KIAA1217: variants seen among roughly 807,000 people sequenced by gnomAD.
The protein encoded by KIAA1217 is KIAA1217, also known as sickle tail protein homolog.
In KIAA1217, 88 loss-of-function variants were observed where a neutral mutation model predicts 163.9. The observed-to-expected ratio is 0.54, with a 90% CI of 0.45 to 0.64. The LOEUF is 0.64. KIAA1217 is among the 30% of genes least tolerant of loss of function. The probability of loss-of-function intolerance (pLI) is 0.00; values close to 1 mark genes in which losing one functional copy is unlikely to be tolerated. For synonymous variants in KIAA1217, 903 were observed against 923.1 expected, an observed-to-expected ratio of 0.98 and a Z score of 0.39; for missense variants, 2,372 against 2,475.0, an observed-to-expected ratio of 0.96 and a Z score of 0.88.
intron 2 of KIAA1217, among the ~76,000 whole-genome samples, chr10:24,300,290 A>G (rs1222667581): frequency 6.6e-6 from 1 of 152,124 alleles, no homozygotes; most frequent in Non-Finnish European, 1.5e-5. Flanking sequence ...ATTATTTCCA[A>G]TTTTTTTAAG....
At chr10:24,357,147 G>A (rs1025460621) in intron 2 of KIAA1217, among the ~76,000 whole-genome samples, 1 of 152,138 alleles carries the variant, frequency 6.6e-6, no homozygotes, top group Non-Finnish European at 1.5e-5. Flanking sequence ...GAAACTTTCA[G>A]GGTAGACCTT....
In KIAA1217 at chr10:23,726,979, CTTTTT is replaced by C. The variant is rs1012125050; in HGVS notation, c.-321+31767_-321+31771del. Reference sequence around the variant, plus strand: ...ATTTCCATGCCATTTGTATAGGCCTCTTTTTTTTTTTTTTTTTTTTTTTTTTGAGA... The same window carrying C: ...ATTTCCATGCCATTTGTATAGGCCTCTTTTTTTTTTTTTTTTTTTTTGAGA... On this transcript the variant is annotated intron_variant, in intron 1 of 18. Transcript: ENST00000376462. Among the ~76,000 whole-genome samples the C allele has an allele frequency of 6.8e-3, 637 of 93,314 alleles. 5 individuals carry two copies. The highest frequency in any genetic ancestry group is 0.029 in the African/African-American group (587 of 20,592). 61.2% of individuals were successfully genotyped at this position (93,314 alleles called of 152,430 possible). A position where few individuals can be genotyped will look rare whatever the true frequency, so the allele number is the denominator to read the frequency against.
intron 2 of KIAA1217, among the ~76,000 whole-genome samples, chr10:24,010,545 C>T (rs1488596440): frequency 6.6e-6 from 1 of 151,834 alleles, no homozygotes; most frequent in Admixed American, 6.6e-5. Flanking sequence ...TCTTCCCCCC[C>T]TTCAAGTTTT....
intron 1 of KIAA1217, among the ~76,000 whole-genome samples, chr10:23,773,362 G>C (rs1030304073): frequency 6.6e-6 from 1 of 151,666 alleles, no homozygotes; most frequent in African/African-American, 2.4e-5. Context: ...TTTGGTTACT[G>C]TAGCCTTGTA....
chr10:24,546,445 A>G lies in KIAA1217; in HGVS notation c.*121A>G. ...TATCGTTTGAGGCTTAATGCTAAAT[A>G]TGTGCTAAATACTGGATTAATAGAT... is the stretch of plus-strand genomic sequence containing the variant. On this transcript the variant is annotated 3_prime_UTR_variant, in exon 21 of 21. Transcript: ENST00000376454. 9.8e-7 allele frequency: 1 copy of G among 1,017,778 alleles called. No homozygotes were observed. The highest frequency in any genetic ancestry group is 1.4e-6 in the Non-Finnish European group (1 of 707,602). 63.0% of individuals were successfully genotyped at this position (1,017,778 alleles called of 1,614,324 possible). A position where few individuals can be genotyped will look rare whatever the true frequency, so the allele number is the denominator to read the frequency against.
At chr10:23,820,706 C>T (rs1026509314) in intron 1 of KIAA1217, among the ~76,000 whole-genome samples, 2 of 152,132 alleles carry the variant, frequency 1.3e-5, no homozygotes, top group African/African-American at 2.4e-5. Context: ...CAAGGTGGGG[C>T]TAAAGAGAGT....
chr10:23,871,754 G>A (rs907563309), intron 1 of KIAA1217, among the ~76,000 whole-genome samples: 1 of 152,066 alleles, frequency 6.6e-6, no homozygotes, highest in Non-Finnish European at 1.5e-5. Flanking sequence ...GACTCTAACT[G>A]TAACCTCAGA....
chr10:24,022,101 T>G (rs538732267), intron 2 of KIAA1217, among the ~76,000 whole-genome samples: 25 of 151,530 alleles, frequency 1.6e-4, no homozygotes, highest in Non-Finnish European at 3.1e-4. Context: ...ACTGACAAAC[T>G]GGACTTTATT....
At chr10:23,735,657 C>T (rs1364178877) in intron 1 of KIAA1217, among the ~76,000 whole-genome samples, 4 of 151,810 alleles carry the variant, frequency 2.6e-5, no homozygotes, top group Non-Finnish European at 5.9e-5. Flanking sequence ...TCTCATTGGG[C>T]TCAATGAGAT....
chr10:24,455,939 A>AGTGCAGTG (rs1317809378), intron 5 of KIAA1217, among the ~76,000 whole-genome samples: 1 of 152,066 alleles, frequency 6.6e-6, no homozygotes, highest in South Asian at 2.1e-4. Flanking sequence ...CCCAGGCTGG[A>AGTGCAGTG]GTGCAGTGGT....
chr10:24,375,838 G>A (rs945318444), intron 2 of KIAA1217, among the ~76,000 whole-genome samples: 1 of 152,244 alleles, frequency 6.6e-6, no homozygotes, highest in African/African-American at 2.4e-5. Flanking sequence ...TGGCTAGCCA[G>A]ACACCCCACT....
chr10:23,880,183 A>T (rs1840887415), intron 1 of KIAA1217, among the ~76,000 whole-genome samples: 1 of 151,960 alleles, frequency 6.6e-6, no homozygotes, highest in Non-Finnish European at 1.5e-5. Context: ...AATAGCCAAG[A>T]TTTGGAAGCA....
chr10:23,906,735 A>G (rs995594264), intron 1 of KIAA1217, among the ~76,000 whole-genome samples: 1 of 152,122 alleles, frequency 6.6e-6, no homozygotes, highest in Non-Finnish European at 1.5e-5. Context: ...AACTGCAGTT[A>G]TTACTGCTGG....
intron 2 of KIAA1217, among the ~76,000 whole-genome samples, chr10:24,305,583 T>C (rs911367051): frequency 6.6e-6 from 1 of 152,230 alleles, no homozygotes; most frequent in African/African-American, 2.4e-5. Flanking sequence ...TCTTGGCTTA[T>C]GTGTGGGAAT....
At chr10:24,462,800 A>G (rs1004410601) in intron 5 of KIAA1217, among the ~76,000 whole-genome samples, 4 of 152,190 alleles carry the variant, frequency 2.6e-5, no homozygotes, top group Non-Finnish European at 2.9e-5. Flanking sequence ...AAAGCAGTAT[A>G]TCCTATATGG....
chr10:24,401,424 C>T (rs1220063317), intron 3 of KIAA1217, among the ~76,000 whole-genome samples: 6 of 152,022 alleles, frequency 3.9e-5, no homozygotes, highest in Admixed American at 1.3e-4. Flanking sequence ...CAGGTATGCA[C>T]GGCTGGTTCA....
intron 2 of KIAA1217, among the ~76,000 whole-genome samples, chr10:24,309,830 C>T (rs1319682070): frequency 1.3e-5 from 2 of 152,160 alleles, no homozygotes; most frequent in South Asian, 2.1e-4. Context: ...TTAATTTCCA[C>T]CCTGATGTGT....
chr10:23,794,625 A>G (rs1175422012), intron 1 of KIAA1217, among the ~76,000 whole-genome samples: 1 of 152,232 alleles, frequency 6.6e-6, no homozygotes, highest in African/African-American at 2.4e-5. Flanking sequence ...ATCCTGTCAG[A>G]TTTCAGAACA....
chr10:23,774,637 C>T (rs1453045717), intron 1 of KIAA1217, among the ~76,000 whole-genome samples: 1 of 152,046 alleles, frequency 6.6e-6, no homozygotes, highest in Admixed American at 6.6e-5. Flanking sequence ...CAGGGAGGTG[C>T]AGTTCAGCTC....
Sources: allele counts gnomAD v4.1 joint callset (sites outside exome capture counted in the v4.1 genomes callset), GRCh38; gene constraint gnomAD v4.1.1; transcripts MANE v1.5; gene names NCBI Gene and HGNC (gene_info 2026-07-23, HGNC 2026-07-21).